Variants in DCLRE1C observed in about 807,000 individuals in gnomAD.
DCLRE1C encodes the protein protein artemis.
In DCLRE1C, 47 loss-of-function variants were observed where a neutral mutation model predicts 61.4. The observed-to-expected ratio is 0.77, with a 90% CI of 0.61 to 0.98. The LOEUF (loss-of-function observed/expected upper bound fraction) is 0.98, where lower values mean the gene tolerates loss of function less well. Ranked by LOEUF, DCLRE1C falls within the 50% of genes least tolerant of loss-of-function variation. The pLI is 0.00. For missense variants in DCLRE1C, 858 were observed against 816.0 expected (o/e 1.05, Z -0.63); for synonymous variants, 337 against 287.6 (o/e 1.17, Z -1.74).
chr10:14,916,722 G>A (rs1052834178), intron 13 of DCLRE1C, among the ~76,000 whole-genome samples: 7 of 152,142 alleles, frequency 4.6e-5, no homozygotes, highest in South Asian at 2.1e-4. Flanking sequence ...AGACTTATAC[G>A]CTGGAAATCA....
intron 6 of DCLRE1C, among the ~76,000 whole-genome samples, chr10:14,935,234 A>C (rs569398369): frequency 3.9e-5 from 6 of 151,998 alleles, no homozygotes; most frequent in Non-Finnish European, 7.4e-5. Context: ...TGGGAGGCCA[A>C]GGGGGGCAGA....
At chr10:14,913,998 AG>A (rs1380558498) in intron 13 of DCLRE1C, among the ~76,000 whole-genome samples, 1 of 152,240 alleles carries the variant, frequency 6.6e-6, no homozygotes, top group African/African-American at 2.4e-5. Flanking sequence ...AGGCCAAAAA[AG>A]AATAAAGAAC....
chr10:14,899,479 T>C lies in DCLRE1C; in HGVS notation c.1157-167A>G. The C allele has an allele frequency of 3.2e-6, 5 of 1,564,402 alleles. No homozygotes were observed. In the South Asian group the frequency reaches 5.7e-5, roughly 18 times the overall value. On this transcript the variant is annotated intron_variant, in intron 13 of 13. Coordinates refer to the DCLRE1C transcript ENST00000378289. Reference sequence around the variant, plus strand: ...AGGTATTCGCATATTAGTAGATAGGTAGATGAATGCTTCTTTGGTTCAGTA... The same window carrying C: ...AGGTATTCGCATATTAGTAGATAGGCAGATGAATGCTTCTTTGGTTCAGTA...
chr10:14,903,448 G>A (rs1355104873), downstream of DCLRE1C: 2 of 152,132 alleles, frequency 1.3e-5, no homozygotes, highest in Non-Finnish European at 2.9e-5. Flanking sequence ...TCAATTTCAG[G>A]CAGGTGTAAC....
In DCLRE1C at chr10:14,909,130, C is replaced by T. The variant is rs1834818596; in HGVS notation, c.1357G>A (p.Glu453Lys). 6.2e-7 allele frequency: 1 copy of T among 1,614,236 alleles called. No homozygotes were observed. Among genetic ancestry groups the T allele is most frequent in the Admixed American group, 1.7e-5 (1 of 60,032 alleles). Residue 453 changes from glutamate to lysine, a missense_variant, in exon 14 of 14, where the codon GAA (glutamate) becomes AAA (lysine). By Grantham distance (56) the Glu-to-Lys change is moderately conservative. Coordinates refer to ENST00000378278, the MANE Select transcript of DCLRE1C (RefSeq NM_001033855.3). ...TCTTCACTTTCACTGTTGGATTCTT[C>T]ACAATCTACAAAGTTTGTGAAACGA... is the stretch of plus-strand genomic sequence containing the variant. ...SSRFTNFVDC[E>K]ESNSESEEEV...
chr10:14,935,035 G>T (rs41297026), intron 6 of DCLRE1C, among the ~76,000 whole-genome samples: 35 of 151,870 alleles, frequency 2.3e-4, no homozygotes, highest in African/African-American at 7.7e-4. Flanking sequence ...TGTTGACCAG[G>T]CTGGTCTCGA....
intron 1 of DCLRE1C, 128 bp downstream of exon 1, chr10:14,953,774 G>C: frequency 7.4e-7 from 1 of 1,347,122 alleles, no homozygotes; most frequent in Non-Finnish European, 1.0e-6. Flanking sequence ...ACTGGGACAA[G>C]GCGTGTGCTG....
upstream of DCLRE1C, chr10:14,954,236 A>C (rs910733368): frequency 1.5e-4 from 98 of 665,554 alleles, no homozygotes; most frequent in African/African-American, 1.5e-3. Context: ...GCTTCGCTGC[A>C]CGCGATGGGC....
At chr10:14,902,295 A>G (rs994751265), downstream of DCLRE1C, 10 of 595,736 alleles carry the variant, frequency 1.7e-5, no homozygotes, top group Middle Eastern at 2.7e-4. Flanking sequence ...GGTCTTGACC[A>G]TGTAAGTACC....
chr10:14,946,704 C>A (rs1436480498), intron 2 of DCLRE1C, among the ~76,000 whole-genome samples: 1 of 152,036 alleles, frequency 6.6e-6, no homozygotes, highest in Non-Finnish European at 1.5e-5. Context: ...CACTGTCACC[C>A]AGGCTGGAAT....
Position 14,923,029 on chromosome 10 carries a change from T to C in DCLRE1C, c.1013A>G (p.Tyr338Cys). 1 of 1,614,204 alleles carries C rather than the reference T, an allele frequency of 6.2e-7. No homozygotes were observed. The highest frequency in any genetic ancestry group is 1.6e-4 in the Middle Eastern group (1 of 6,062). ...TGTGCCAACTGGAATGACATTTGGA[T>C]ATGCGTTCACAGGACAGAGGTAGCT... ...FLSYLCPVNA[Y>C]PNVIPVGTTM... is the part of the protein sequence containing the mutation. Residue 338 changes from tyrosine to cysteine, a missense_variant, in exon 12 of 14, where the codon TAT becomes TGT. Around this residue, in one of 2 missense-constraint regions of DCLRE1C, gnomAD observed 843 missense variants for 783.5 expected, o/e 1.08. Transcript: ENST00000378278.
chr10:14,943,639 G>A (rs1179069295), intron 3 of DCLRE1C, among the ~76,000 whole-genome samples: 7 of 152,206 alleles, frequency 4.6e-5, no homozygotes, highest in South Asian at 4.1e-4. Flanking sequence ...TGCAACCTCC[G>A]CCTCCCAGGT....
At chr10:14,911,534 T>C (rs1216136715) in intron 13 of DCLRE1C, among the ~76,000 whole-genome samples, 2 of 152,236 alleles carry the variant, frequency 1.3e-5, no homozygotes, top group African/African-American at 4.8e-5. Context: ...TGTAAAATTA[T>C]GTAACATGGG....
At chr10:14,903,684 C>G (rs1834168490), downstream of DCLRE1C, 1 of 152,126 alleles carries the variant, frequency 6.6e-6, no homozygotes, top group Non-Finnish European at 1.5e-5. Flanking sequence ...AGGCTTCCAA[C>G]ATAGTATTGA....
chr10:14,940,573 C>G (rs1840707564), intron 3 of DCLRE1C, among the ~76,000 whole-genome samples: 1 of 152,086 alleles, frequency 6.6e-6, no homozygotes, highest in South Asian at 2.1e-4. Context: ...CAGGCGTGAG[C>G]CACCACACCC....
intron 11 of DCLRE1C, 37 bp from the exon 12 acceptor site, chr10:14,923,106 A>C: frequency 4.1e-6 from 6 of 1,475,964 alleles, no homozygotes; most frequent in Non-Finnish European, 5.7e-6. Flanking sequence ...AACAATCTCT[A>C]CGATGAAACA....
At chr10:14,950,281 G>A (rs140773248) in intron 1 of DCLRE1C, among the ~76,000 whole-genome samples, 91 of 151,006 alleles carry the variant, frequency 6.0e-4, no homozygotes, top group East Asian at 4.1e-3. Context: ...CAGAGGTTGC[G>A]GTGAGCTGAG....
intron 13 of DCLRE1C, among the ~76,000 whole-genome samples, chr10:14,914,833 C>A (rs184470955): frequency 6.6e-6 from 1 of 151,746 alleles, no homozygotes; most frequent in Non-Finnish European, 1.5e-5. Flanking sequence ...CCAGCTACTT[C>A]GGATGCTGAC....
chr10:14,948,205 C>A (rs1841966323), intron 2 of DCLRE1C, among the ~76,000 whole-genome samples: 1 of 149,236 alleles, frequency 6.7e-6, no homozygotes, highest in East Asian at 2.0e-4. Context: ...AAGTCCCCGT[C>A]TCTACAAAAA....
Sources: allele counts gnomAD v4.1 joint callset (sites outside exome capture counted in the v4.1 genomes callset), GRCh38; gene constraint gnomAD v4.1.1; regional missense constraint gnomAD v4.1.1; transcripts MANE v1.5; gene names NCBI Gene and HGNC (gene_info 2026-07-23, HGNC 2026-07-21).